The following DEPTOR variants were observed in gnomAD, a reference collection of about 807,000 sequenced individuals.
DEPTOR encodes the protein DEP domain containing MTOR interacting protein, also known as DEP domain-containing mTOR-interacting protein.
In DEPTOR, 41 loss-of-function variants were observed where a neutral mutation model predicts 41.6. That is an observed-to-expected ratio of 0.98 (90% confidence interval 0.77 to 1.28). The LOEUF is 1.28. Among genes scored for constraint, DEPTOR ranks in the 50% most tolerant of loss-of-function variants. The pLI, the probability that DEPTOR is intolerant of heterozygous loss-of-function variation, is 0.00. For missense variants in DEPTOR, 514 were observed against 527.9 expected, an observed-to-expected ratio of 0.97 and a Z score of 0.26; for synonymous variants, 195 against 192.3, an observed-to-expected ratio of 1.01 and a Z score of -0.12.
chr8:119,998,985 C>T (rs894864277), intron 4 of DEPTOR, among the ~76,000 whole-genome samples: 36 of 151,348 alleles, frequency 2.4e-4, no homozygotes, highest in African/African-American at 8.0e-4. Context: ...TAAAATAGGC[C>T]GGGCACGGAG....
intron 1 of DEPTOR, among the ~76,000 whole-genome samples, chr8:119,915,357 A>C (rs1827798197): frequency 6.6e-6 from 1 of 152,108 alleles, no homozygotes; most frequent in Non-Finnish European, 1.5e-5. Flanking sequence ...GTTTCTTCTC[A>C]GGGAAGAAGT....
At chr8:120,010,762 T>C (rs1812520860) in intron 8 of DEPTOR, among the ~76,000 whole-genome samples, 1 of 152,218 alleles carries the variant, frequency 6.6e-6, no homozygotes, top group Non-Finnish European at 1.5e-5. Flanking sequence ...GCAGCTTTAT[T>C]TGAAGTGTGT....
chr8:120,020,917 G>A (rs2130135452), intron 8 of DEPTOR, among the ~76,000 whole-genome samples: 1 of 151,716 alleles, frequency 6.6e-6, no homozygotes, highest in East Asian at 1.9e-4. Flanking sequence ...AAAATAGTTG[G>A]GCATGATGGC....
chr8:119,999,080 A>T (rs1167378181), intron 4 of DEPTOR, among the ~76,000 whole-genome samples: 1 of 152,120 alleles, frequency 6.6e-6, no homozygotes, highest in Non-Finnish European at 1.5e-5. Flanking sequence ...CCTGGCCAAC[A>T]TGGAGAAACC....
intron 3 of DEPTOR, 22 bp downstream of exon 3, chr8:119,929,960 C>A (rs1828020237): frequency 2.4e-5 from 38 of 1,599,010 alleles, no homozygotes; most frequent in Non-Finnish European, 3.2e-5. Context: ...ATGAAATCCC[C>A]CCTGTAATCT....
intron 3 of DEPTOR, among the ~76,000 whole-genome samples, chr8:119,944,657 CTT>C (rs11428615): frequency 1.8e-4 from 24 of 136,944 alleles, no homozygotes; most frequent in Admixed American, 1.5e-4. Flanking sequence ...TCTTTCTTTT[CTT>C]TTTTTTTTTT....
chr8:119,945,709 C>T (rs1488140476), intron 3 of DEPTOR, among the ~76,000 whole-genome samples: 1 of 152,154 alleles, frequency 6.6e-6, no homozygotes, highest in Admixed American at 6.6e-5. Context: ...CAGTTGATTC[C>T]ATCTGGAAGA....
intron 3 of DEPTOR, among the ~76,000 whole-genome samples, chr8:119,945,425 C>T (rs543611293): frequency 5.3e-5 from 8 of 152,210 alleles, no homozygotes; most frequent in African/African-American, 1.7e-4. Context: ...CATATTAGTT[C>T]ATTTAATCCT....
rs369067239 is a variant in DEPTOR, at chr8:119,916,052, A to AT, written c.123-12346dup. On this transcript the variant is annotated intron_variant, in intron 1 of 8. Transcript: ENST00000286234. The stretch of plus-strand genomic sequence containing the variant: ...AATCCTCTCAATAACCCTATGAGAC[A>AT]TTCTCTATCATTCCCATTTTACAGA... Among the ~76,000 whole-genome samples, 141 of 152,078 alleles carry AT rather than the reference A, an allele frequency of 9.3e-4. 1 individual carries two copies. Among genetic ancestry groups the AT allele is most frequent in the African/African-American group, 3.3e-3 (137 of 41,504 alleles).
chr8:119,957,930 G>T (rs1828440571), intron 3 of DEPTOR, among the ~76,000 whole-genome samples: 1 of 152,014 alleles, frequency 6.6e-6, no homozygotes, highest in Admixed American at 6.6e-5. Context: ...ATTCCATGTG[G>T]CTTTATTCTA....
At chr8:120,036,313 A>AT (rs2130186795) in intron 8 of DEPTOR, among the ~76,000 whole-genome samples, 1 of 152,308 alleles carries the variant, frequency 6.6e-6, no homozygotes, top group East Asian at 1.9e-4. Context: ...ATTCTTATAT[A>AT]TGGTTGGCTT....
intron 1 of DEPTOR, among the ~76,000 whole-genome samples, chr8:119,882,539 A>G (rs921191251): frequency 6.6e-6 from 1 of 151,902 alleles, no homozygotes; most frequent in Non-Finnish European, 1.5e-5. Flanking sequence ...AGACTCAAGT[A>G]TCTGAGACTC....
intron 4 of DEPTOR, among the ~76,000 whole-genome samples, chr8:119,997,089 G>A (rs560063185): frequency 6.6e-6 from 1 of 152,198 alleles, no homozygotes; most frequent in East Asian, 1.9e-4. Context: ...AGAATGGTTG[G>A]TTTATTTATG....
At position 119,986,661 on chromosome 8, in the gene DEPTOR, C is replaced by T. The variant is rs150195700; in HGVS notation, c.605-14864C>T. 2.4e-3 allele frequency among the ~76,000 whole-genome samples: 362 copies of T among 152,178 alleles called. 7 individuals are homozygous for T. The East Asian group carries it at 0.052, about 22-fold the overall frequency. On this transcript the variant is annotated intron_variant, in intron 4 of 8. Transcript: ENST00000286234. ...CCATTCTCCCTGTCACTTTCAGGTA[C>T]ACCAATCAAACATAGGTTTGGTCTT...
At chr8:119,988,980 T>TTA (rs1828865861) in intron 4 of DEPTOR, among the ~76,000 whole-genome samples, 2 of 134,376 alleles carry the variant, frequency 1.5e-5, no homozygotes, top group South Asian at 2.6e-4. Flanking sequence ...TTTTTTTTTT[T>TTA]AATAGAGATG....
intron 3 of DEPTOR, among the ~76,000 whole-genome samples, chr8:119,937,429 G>T (rs1021047604): frequency 3.3e-4 from 50 of 152,308 alleles, no homozygotes; most frequent in African/African-American, 1.2e-3. Flanking sequence ...TATATGCATA[G>T]ATATGCACTT....
At chr8:119,922,263 A>C (rs994442853) in intron 1 of DEPTOR, among the ~76,000 whole-genome samples, 4 of 151,880 alleles carry the variant, frequency 2.6e-5, no homozygotes, top group African/African-American at 9.6e-5. Context: ...GATAAATACT[A>C]TCTAATAATT....
At chr8:119,914,556 C>T (rs2129797617) in intron 1 of DEPTOR, among the ~76,000 whole-genome samples, 1 of 152,262 alleles carries the variant, frequency 6.6e-6, no homozygotes, top group Admixed American at 6.5e-5. Context: ...TCTCCTGCCT[C>T]AGCCTCCCTA....
chr8:119,993,988 C>T (rs1329268180), intron 4 of DEPTOR, among the ~76,000 whole-genome samples: 1 of 151,972 alleles, frequency 6.6e-6, no homozygotes, highest in African/African-American at 2.4e-5. Flanking sequence ...GAAAACCCAT[C>T]TCTACTAAAA....
Sources: gnomAD v4.1 joint callset for allele counts (sites outside exome capture counted in the v4.1 genomes callset) on GRCh38, gnomAD v4.1.1 for gene constraint, MANE v1.5 for transcripts, NCBI Gene and HGNC (gene_info 2026-07-23, HGNC 2026-07-21) for gene names.